PCDH9: variants seen among roughly 807,000 people sequenced by gnomAD.
PCDH9 encodes protocadherin 9.
PCDH9 carries 24 observed loss-of-function variants against 70.6 expected under a neutral mutation model. The observed-to-expected ratio is 0.34, with a 90% CI of 0.25 to 0.48. PCDH9 has a LOEUF of 0.48. PCDH9 is among the 20% of genes least tolerant of loss of function. PCDH9 has a pLI of 0.99. For missense variants in PCDH9, 1,281 were observed against 1,503.6 expected, an observed-to-expected ratio of 0.85 and a Z score of 2.45; for synonymous variants, 562 against 558.5, an observed-to-expected ratio of 1.01 and a Z score of -0.09.
chr13:66,862,474 C>T (rs1340324487), intron 3 of PCDH9, among the ~76,000 whole-genome samples: 1 of 152,154 alleles, frequency 6.6e-6, no homozygotes, highest in East Asian at 1.9e-4. Flanking sequence ...TTTACATTCC[C>T]TGCATCATTG....
At chr13:66,670,339 GTAATATCAC>G (rs1168353379) in intron 3 of PCDH9, among the ~76,000 whole-genome samples, 1 of 152,128 alleles carries the variant, frequency 6.6e-6, no homozygotes. Flanking sequence ...TAGAATGTCA[GTAATATCAC>G]TAATATCAAT....
intron 2 of PCDH9, among the ~76,000 whole-genome samples, chr13:67,048,454 G>A (rs927229678): frequency 6.6e-6 from 1 of 152,168 alleles, no homozygotes. Flanking sequence ...CCATGCCGCT[G>A]AAAGCAGAGC....
At chr13:66,690,944 C>T (rs2078475592) in intron 3 of PCDH9, among the ~76,000 whole-genome samples, 1 of 152,160 alleles carries the variant, frequency 6.6e-6, no homozygotes, top group Non-Finnish European at 1.5e-5. Flanking sequence ...ACATATTGCA[C>T]TAAAGTTTTA....
At chr13:67,104,705 C>G (rs1381548494) in intron 2 of PCDH9, among the ~76,000 whole-genome samples, 1 of 152,110 alleles carries the variant, frequency 6.6e-6, no homozygotes, top group Non-Finnish European at 1.5e-5. Flanking sequence ...CCCACCACCA[C>G]GCTAGGCTAA....
intron 4 of PCDH9, among the ~76,000 whole-genome samples, chr13:66,548,540 G>A (rs1019339631): frequency 6.6e-6 from 1 of 151,980 alleles, no homozygotes; most frequent in Non-Finnish European, 1.5e-5. Context: ...ACTACAGCCT[G>A]GGTGACAGAG....
At chr13:66,362,904 G>A (rs1268014736) in intron 4 of PCDH9, among the ~76,000 whole-genome samples, 3 of 152,148 alleles carry the variant, frequency 2.0e-5, no homozygotes, top group Non-Finnish European at 2.9e-5. Context: ...ACACAGGCCA[G>A]GCACGGTGGC....
At chr13:67,017,314 G>C (rs552539483) in intron 2 of PCDH9, among the ~76,000 whole-genome samples, 1 of 152,288 alleles carries the variant, frequency 6.6e-6, no homozygotes, top group Admixed American at 6.5e-5. Context: ...ATTTCTGAAC[G>C]TTCATTCGGT....
chr13:66,693,847 T>A (rs756128772), intron 3 of PCDH9, among the ~76,000 whole-genome samples: 1 of 152,220 alleles, frequency 6.6e-6, no homozygotes, highest in Non-Finnish European at 1.5e-5. Context: ...AAGACACTTT[T>A]GCATGCCAAA....
In PCDH9 at chr13:66,432,073, G is replaced by C. The variant is rs547638007; in HGVS notation, c.3341-127045C>G. On this transcript the variant is annotated intron_variant, in intron 4 of 4. Coordinates refer to ENST00000377865, the MANE Select transcript of PCDH9 (RefSeq NM_203487.3). ...AAGCCACAAGTTTTTCTTCTGTGCAGTTTCCTTTACATTTAAGCTAAACTG... is the reference window on the plus strand; with the variant it reads ...AAGCCACAAGTTTTTCTTCTGTGCACTTTCCTTTACATTTAAGCTAAACTG... Among the ~76,000 whole-genome samples, 47 of 151,976 alleles carry C rather than the reference G, an allele frequency of 3.1e-4. 1 individual carries two copies. The highest frequency in any genetic ancestry group is 1.1e-3 in the African/African-American group (44 of 41,514).
intron 4 of PCDH9, among the ~76,000 whole-genome samples, chr13:66,446,918 A>G (rs1369749428): frequency 1.3e-5 from 2 of 152,096 alleles, no homozygotes; most frequent in Non-Finnish European, 2.9e-5. Context: ...AACAAGAGCA[A>G]TAACAGAGAT....
At chr13:67,060,145 G>C (rs1395559167) in intron 2 of PCDH9, among the ~76,000 whole-genome samples, 2 of 152,010 alleles carry the variant, frequency 1.3e-5, no homozygotes, top group Non-Finnish European at 2.9e-5. Flanking sequence ...ATAACACATT[G>C]CTGGAAGAAT....
chr13:66,855,456 CT>C (rs2081380057), intron 3 of PCDH9, among the ~76,000 whole-genome samples: 1 of 151,982 alleles, frequency 6.6e-6, no homozygotes, highest in Non-Finnish European at 1.5e-5. Context: ...GATGGGACCA[CT>C]GTTATTAAAG....
chr13:66,508,010 C>T (rs1184387323), intron 4 of PCDH9, among the ~76,000 whole-genome samples: 4 of 152,094 alleles, frequency 2.6e-5, no homozygotes, highest in Non-Finnish European at 5.9e-5. Flanking sequence ...CGTGAGCCAT[C>T]GCACCTGGCC....
intron 3 of PCDH9, among the ~76,000 whole-genome samples, chr13:66,722,089 G>T (rs1259715832): frequency 6.6e-6 from 1 of 152,088 alleles, no homozygotes; most frequent in Non-Finnish European, 1.5e-5. Context: ...CCTATCTTCT[G>T]CAGTACTTAG....
At chr13:66,392,723 C>A (rs1957040310) in intron 4 of PCDH9, among the ~76,000 whole-genome samples, 1 of 152,064 alleles carries the variant, frequency 6.6e-6, no homozygotes, top group Non-Finnish European at 1.5e-5. Flanking sequence ...GTAGCCAGCA[C>A]CACTTTAGGT....
intron 4 of PCDH9, among the ~76,000 whole-genome samples, chr13:66,462,035 A>G (rs946886369): frequency 1.3e-5 from 2 of 151,816 alleles, no homozygotes; most frequent in Non-Finnish European, 2.9e-5. Context: ...CCAGCTTGAA[A>G]GAGCCAATTG....
chr13:66,548,312 C>T (rs1424108272), intron 4 of PCDH9, among the ~76,000 whole-genome samples: 2 of 152,044 alleles, frequency 1.3e-5, no homozygotes, highest in Non-Finnish European at 2.9e-5. Flanking sequence ...CACCTGTAAT[C>T]CCAGCACTTT....
intron 4 of PCDH9, among the ~76,000 whole-genome samples, chr13:66,422,851 A>G (rs1957592906): frequency 6.6e-6 from 1 of 152,108 alleles, no homozygotes; most frequent in Non-Finnish European, 1.5e-5. Context: ...CCTTAAAAAA[A>G]TATCAATGAA....
rs116234694 is a variant in PCDH9, at chr13:67,046,781, C to T, written c.3037-143176G>A. Reference sequence around the variant, plus strand: ...AACACACTAAGAAAATCCTCCTCATCCTGAGGAGGAGAAAATATAAACTTA... The same window carrying T: ...AACACACTAAGAAAATCCTCCTCATTCTGAGGAGGAGAAAATATAAACTTA... On this transcript the variant is annotated intron_variant, in intron 2 of 4. Coordinates refer to ENST00000377865, the MANE Select transcript of PCDH9 (RefSeq NM_203487.3). Among the ~76,000 whole-genome samples the T allele has an allele frequency of 5.0e-3, 767 of 151,928 alleles. 12 individuals carry two copies. Among genetic ancestry groups the T allele is most frequent in the African/African-American group, 0.018 (751 of 41,472 alleles).
Sources: gnomAD v4.1 joint callset for allele counts (sites outside exome capture counted in the v4.1 genomes callset) on GRCh38, gnomAD v4.1.1 for gene constraint, MANE v1.5 for transcripts, NCBI Gene and HGNC (gene_info 2026-07-23, HGNC 2026-07-21) for gene names.